CCBE1: variants seen among roughly 807,000 people sequenced by gnomAD.
The protein encoded by CCBE1 is collagen and calcium-binding EGF domain-containing protein 1.
Under a neutral mutation model 50.0 loss-of-function variants are expected in CCBE1, and 37 were observed. The ratio of observed to expected loss-of-function variants is 0.74; its 90% CI spans 0.57 to 0.97. The LOEUF is 0.97. Ranked by LOEUF, CCBE1 falls within the 50% of genes least tolerant of loss-of-function variation. The pLI is 0.00. For synonymous variants in CCBE1, 234 were observed against 203.7 expected, an observed-to-expected ratio of 1.15 and a Z score of -1.27; for missense variants, 538 against 523.8, an observed-to-expected ratio of 1.03 and a Z score of -0.26.
intron 2 of CCBE1, among the ~76,000 whole-genome samples, chr18:59,692,995 C>CAA (rs1568276541): frequency 5.5e-4 from 72 of 131,418 alleles, no homozygotes; most frequent in African/African-American, 2.1e-3. Flanking sequence ...CACACACACA[C>CAA]ACACACACAA....
At chr18:59,538,061 A>G (rs1915322752) in intron 2 of CCBE1, among the ~76,000 whole-genome samples, 1 of 152,258 alleles carries the variant, frequency 6.6e-6, no homozygotes, top group Non-Finnish European at 1.5e-5. Context: ...GTACTTAAGC[A>G]AAACAGCTTG....
At chr18:59,535,636 C>A (rs1915217332) in intron 2 of CCBE1, among the ~76,000 whole-genome samples, 1 of 152,052 alleles carries the variant, frequency 6.6e-6, no homozygotes, top group African/African-American at 2.4e-5. Context: ...TTGGAAGCAA[C>A]CCAAATGTTC....
At chr18:59,634,360 C>T (rs2053890317) in intron 2 of CCBE1, among the ~76,000 whole-genome samples, 1 of 152,344 alleles carries the variant, frequency 6.6e-6, no homozygotes, top group South Asian at 2.1e-4. Context: ...GCTTCAGGGA[C>T]TGCATTTAGA....
chr18:59,468,422 T>C (rs1259105483), intron 4 of CCBE1, among the ~76,000 whole-genome samples: 1 of 144,022 alleles, frequency 6.9e-6, no homozygotes, highest in African/African-American at 2.5e-5. Context: ...CAGTAGCTGC[T>C]ATAAAGTGAA....
intron 7 of CCBE1, 53 bp from the exon 8 acceptor site, chr18:59,439,869 C>T: frequency 1.2e-6 from 2 of 1,600,964 alleles, no homozygotes; most frequent in Middle Eastern, 2.2e-4. Flanking sequence ...GGACAAAGGG[C>T]CCTGGCTAAC....
chr18:59,654,220 G>A (rs994142613), intron 2 of CCBE1, among the ~76,000 whole-genome samples: 1 of 152,152 alleles, frequency 6.6e-6, no homozygotes, highest in Non-Finnish European at 1.5e-5. Context: ...CTGGTATAAA[G>A]TAATGTATGA....
chr18:59,532,039 T>A (rs186766831), intron 2 of CCBE1, among the ~76,000 whole-genome samples: 4 of 152,290 alleles, frequency 2.6e-5, no homozygotes, highest in Admixed American at 2.6e-4. Context: ...AACATACTCA[T>A]GACCGTCTAT....
intron 2 of CCBE1, among the ~76,000 whole-genome samples, chr18:59,646,854 A>G (rs1024753954): frequency 1.3e-5 from 2 of 152,230 alleles, no homozygotes; most frequent in Non-Finnish European, 2.9e-5. Context: ...CATCACATGA[A>G]CACGGAACTT....
At chr18:59,623,037 C>A (rs1407219031) in intron 2 of CCBE1, among the ~76,000 whole-genome samples, 1 of 152,036 alleles carries the variant, frequency 6.6e-6, no homozygotes, top group Non-Finnish European at 1.5e-5. Context: ...AATGATGTGT[C>A]ATTTTAGGTT....
rs540325518 is a variant in CCBE1, at chr18:59,657,553, C to T, written c.212+39076G>A. Among the ~76,000 whole-genome samples the T allele has an allele frequency of 2.7e-4, 41 of 152,292 alleles. No individual in the cohort carries two copies. The South Asian group carries it at 7.0e-3, about 26-fold the overall frequency. ...TTGAGTTTTAAGATCATTGATGACA[C>T]CACTCTTTAGGCTCAACAACTGAGA... On this transcript the variant is annotated intron_variant, in intron 2 of 10. Transcript: ENST00000439986.
intron 2 of CCBE1, among the ~76,000 whole-genome samples, chr18:59,660,834 T>C (rs886858775): frequency 2.0e-5 from 3 of 152,204 alleles, no homozygotes; most frequent in African/African-American, 7.2e-5. Flanking sequence ...TTGGAATAAC[T>C]ATAATTCTGT....
intron 2 of CCBE1, among the ~76,000 whole-genome samples, chr18:59,678,288 CA>C (rs2054536085): frequency 6.6e-6 from 1 of 152,096 alleles, no homozygotes; most frequent in Admixed American, 6.6e-5. Context: ...ACAGAAGGAC[CA>C]GGGGGGTGTT....
At chr18:59,665,737 C>A (rs17066127) in intron 2 of CCBE1, among the ~76,000 whole-genome samples, 62,931 of 152,030 alleles carry the variant, frequency 0.41, 14,247 homozygotes, top group African/African-American at 0.6. Context: ...AGGCCACGCT[C>A]TTCCTGGGTA....
At chr18:59,466,969 C>A in intron 4 of CCBE1, 78 bp from the exon 5 acceptor site, 1 of 1,303,582 alleles carries the variant, frequency 7.7e-7, no homozygotes, top group Non-Finnish European at 1.1e-6. Flanking sequence ...TGGGCTTTGC[C>A]TCTCTGTTAA....
chr18:59,456,942 C>A lies in CCBE1; in HGVS notation c.554-1991G>T, dbSNP rs138094409. Among the ~76,000 whole-genome samples the A allele has an allele frequency of 1.2e-3, 187 of 152,264 alleles. 2 individuals carry two copies. Among genetic ancestry groups the A allele is most frequent in the South Asian group, 9.8e-3 (47 of 4,820 alleles). Reference sequence around the variant, plus strand: ...TGCACCATGGGAGACCTGGGGTTGGCAGCACCCGAGCTAGGTACACATTTC... The same window carrying A: ...TGCACCATGGGAGACCTGGGGTTGGAAGCACCCGAGCTAGGTACACATTTC... On this transcript the variant is annotated intron_variant, in intron 5 of 10. Transcript: ENST00000439986.
intron 2 of CCBE1, among the ~76,000 whole-genome samples, chr18:59,499,146 G>A (rs1477223916): frequency 6.6e-6 from 1 of 152,208 alleles, no homozygotes; most frequent in Non-Finnish European, 1.5e-5. Flanking sequence ...AGTCAAGCAA[G>A]AGCCCACAAA....
At chr18:59,482,971 T>A (rs1912647483) in intron 2 of CCBE1, among the ~76,000 whole-genome samples, 1 of 152,052 alleles carries the variant, frequency 6.6e-6, no homozygotes, top group Non-Finnish European at 1.5e-5. Context: ...CTCATTTGTG[T>A]TTGGGCATGC....
chr18:59,606,221 T>G (rs1057121052), intron 2 of CCBE1, among the ~76,000 whole-genome samples: 2 of 152,330 alleles, frequency 1.3e-5, no homozygotes, highest in East Asian at 1.9e-4. Context: ...ATGAGAGACC[T>G]TAGAGGCATT....
At chr18:59,664,212 G>C (rs2054322468) in intron 2 of CCBE1, among the ~76,000 whole-genome samples, 1 of 151,994 alleles carries the variant, frequency 6.6e-6, no homozygotes, top group Admixed American at 6.6e-5. Flanking sequence ...CATTCATTAG[G>C]GCTCCACCCT....
Sources: allele counts gnomAD v4.1 joint callset (sites outside exome capture counted in the v4.1 genomes callset), GRCh38; gene constraint gnomAD v4.1.1; transcripts MANE v1.5; gene names NCBI Gene and HGNC (gene_info 2026-07-23, HGNC 2026-07-21).